NME7: variants seen among roughly 807,000 people sequenced by gnomAD.
NME7 encodes the protein NME/NM23 family member 7.
A neutral mutation model predicts 49.1 loss-of-function variants in NME7; 41 were observed. The observed-to-expected ratio is 0.83, with a 90% CI of 0.65 to 1.08. The LOEUF is 1.08. Among genes scored for constraint, NME7 ranks in the 50% least tolerant of loss-of-function variants. NME7 has a pLI of 0.00. For synonymous variants in NME7, 139 were observed against 150.6 expected (o/e 0.92, Z 0.56); for missense variants, 423 against 463.4 (o/e 0.91, Z 0.80).
intron 1 of NME7, among the ~76,000 whole-genome samples, chr1:169,344,486 T>A (rs1652888399): frequency 6.6e-6 from 1 of 152,206 alleles, no homozygotes; most frequent in Non-Finnish European, 1.5e-5. Flanking sequence ...CATTCACACT[T>A]GCCATTTAAA....
At chr1:169,329,866 T>C (rs1557824727) in intron 1 of NME7, among the ~76,000 whole-genome samples, 2 of 152,024 alleles carry the variant, frequency 1.3e-5, no homozygotes, top group Non-Finnish European at 2.9e-5. Flanking sequence ...ACAGATTTAA[T>C]CCAAAGAAGA....
chr1:169,253,887 C>T lies in NME7; in HGVS notation c.755-16200G>A, dbSNP rs12753059. On this transcript the variant is annotated intron_variant, in intron 7 of 11. Coordinates refer to ENST00000367811, the MANE Select transcript of NME7 (RefSeq NM_013330.5). ...CATTTATTGATTTGTGTATATTGAA[C>T]CAGCCTTGCATCCCAGGGATGAAGC... is the stretch of plus-strand genomic sequence containing the variant. 2.0e-5 allele frequency among the ~76,000 whole-genome samples: 3 copies of T among 149,776 alleles called. No homozygotes were observed. The East Asian group carries it at 6.4e-4, about 32-fold the overall frequency.
At chr1:169,246,080 A>C (rs541441986) in intron 7 of NME7, among the ~76,000 whole-genome samples, 16 of 152,282 alleles carry the variant, frequency 1.1e-4, no homozygotes, top group African/African-American at 3.8e-4. Context: ...AATCAATTGC[A>C]GACAAGAGTC....
intron 8 of NME7, 149 bp from the exon 9 acceptor site, chr1:169,235,348 T>C: frequency 2.0e-6 from 1 of 496,880 alleles, no homozygotes; most frequent in East Asian, 3.3e-5. Context: ...AAAAGTGTTA[T>C]TAAACATCAA....
Position 169,230,781 on chromosome 1 carries a change from T to G in NME7, c.927A>C (p.Ala309=). 1 of 1,607,502 alleles carries G rather than the reference T, an allele frequency of 6.2e-7. No homozygotes were observed. The highest frequency in any genetic ancestry group is 1.1e-5 in the South Asian group (1 of 89,730). ...VTEMYSGPCV[A]MEIQQNNATK... ...TAGCATTATTCTGTTGAATCTCCAT[T>G]GCTACACAAGGGCCAGAATACATTT... Residue 309 remains alanine (A), a synonymous_variant, in exon 10 of 12, where the codon GCA becomes GCC. Coordinates refer to ENST00000367811, the MANE Select transcript of NME7 (RefSeq NM_013330.5).
chr1:169,207,437 T>C (rs188879566), intron 10 of NME7, among the ~76,000 whole-genome samples: 152 of 152,120 alleles, frequency 1.0e-3, no homozygotes, highest in Middle Eastern at 3.4e-3. Flanking sequence ...CCAAAAGCCA[T>C]AGGGGTCTGT....
At chr1:169,213,449 A>G (rs1232721364) in intron 10 of NME7, among the ~76,000 whole-genome samples, 2 of 152,006 alleles carry the variant, frequency 1.3e-5, no homozygotes, top group Non-Finnish European at 2.9e-5. Flanking sequence ...GATTTTATCT[A>G]TTTTTTTAAA....
chr1:169,287,508 T>C, intron 6 of NME7, 100 bp from the exon 7 acceptor site: 1 of 849,012 alleles, frequency 1.2e-6, no homozygotes, highest in African/African-American at 1.7e-5. Flanking sequence ...ACTTTTAGAG[T>C]TTCATCATAT....
intron 7 of NME7, among the ~76,000 whole-genome samples, chr1:169,254,109 T>C (rs1383710350): frequency 6.7e-6 from 1 of 150,050 alleles, no homozygotes; most frequent in Non-Finnish European, 1.5e-5. Context: ...CCTCTTTTTC[T>C]ATTGATTGGA....
intron 11 of NME7, among the ~76,000 whole-genome samples, chr1:169,158,582 T>A (rs1319599152): frequency 6.6e-6 from 1 of 152,150 alleles, no homozygotes; most frequent in Non-Finnish European, 1.5e-5. Flanking sequence ...CAGAATCTTC[T>A]ATAATAGGGC....
intron 11 of NME7, among the ~76,000 whole-genome samples, chr1:169,140,734 AAAAAAAAAGATTTCAAAT>A (rs1658568305): frequency 1.3e-5 from 2 of 152,132 alleles, no homozygotes; most frequent in South Asian, 4.1e-4. Context: ...CTTAAAAAAA[AAAAAAAAAGATTTCAAAT>A]AAAAGAAATT....
rs570170121 is a variant in NME7 at position 169,298,646 on chromosome 1, T to A, written c.558A>T (p.Thr186=). 1.1e-5 allele frequency: 18 copies of A among 1,613,888 alleles called. No homozygotes were observed. The highest frequency in any genetic ancestry group is 1.4e-5 in the Non-Finnish European group (17 of 1,179,920). The part of the protein sequence containing the change: ...LGPANSGVAR[T]DASESIRALF... ...GGGCTCTAATGCTTTCAGAAGCATCTGTGCGTGCCACTCCAGAGTTTGCAG... is the reference window on the plus strand; with the variant it reads ...GGGCTCTAATGCTTTCAGAAGCATCAGTGCGTGCCACTCCAGAGTTTGCAG... Residue 186 remains threonine, a synonymous_variant, in exon 6 of 12, where the codon ACA becomes ACT. Transcript: ENST00000367811.
intron 3 of NME7, among the ~76,000 whole-genome samples, chr1:169,312,329 A>G (rs1651425840): frequency 6.6e-6 from 1 of 152,168 alleles, no homozygotes; most frequent in Non-Finnish European, 1.5e-5. Flanking sequence ...TTTTGCTGAC[A>G]TATCTTTGGC....
intron 10 of NME7, among the ~76,000 whole-genome samples, chr1:169,178,274 C>G (rs912093372): frequency 6.6e-6 from 1 of 152,160 alleles, no homozygotes; most frequent in Non-Finnish European, 1.5e-5. Context: ...AATCTAAAAA[C>G]TACATTCCCC....
chr1:169,229,562 G>A (rs1363696255), intron 10 of NME7, among the ~76,000 whole-genome samples: 1 of 152,156 alleles, frequency 6.6e-6, no homozygotes, highest in Admixed American at 6.5e-5. Flanking sequence ...TTAGATCACT[G>A]ACAACAGGAG....
At chr1:169,135,333 C>A (rs1349097309) in intron 11 of NME7, among the ~76,000 whole-genome samples, 4 of 152,182 alleles carry the variant, frequency 2.6e-5, no homozygotes, top group East Asian at 3.8e-4. Context: ...AACAAAAGTT[C>A]CGTTATGAGA....
At chr1:169,353,413 G>A (rs1017659953) in intron 1 of NME7, among the ~76,000 whole-genome samples, 1 of 151,978 alleles carries the variant, frequency 6.6e-6, no homozygotes, top group Non-Finnish European at 1.5e-5. Flanking sequence ...TTGGATTAAA[G>A]ACTTAAATTT....
rs1354288715 is a variant in NME7, at chr1:169,274,441, C to G, written c.754+12862G>C. 1.5e-5 allele frequency among the ~76,000 whole-genome samples: 2 copies of G among 133,124 alleles called. 1 individual carries two copies. Among genetic ancestry groups the G allele is most frequent in the Non-Finnish European group, 3.5e-5 (2 of 56,724 alleles). 87.3% of individuals were successfully genotyped at this position (133,124 alleles called of 152,430 possible). On this transcript the variant is annotated intron_variant, in intron 7 of 11. Coordinates refer to ENST00000367811, the MANE Select transcript of NME7 (RefSeq NM_013330.5). ...TGCCTGTTCACTCTGATGGTAGTTT[C>G]TTTTGCTGTGCAGAAGCTCTTTAGT...
intron 7 of NME7, among the ~76,000 whole-genome samples, chr1:169,280,386 T>A (rs1649957140): frequency 6.6e-6 from 1 of 152,124 alleles, no homozygotes; most frequent in Admixed American, 6.5e-5. Flanking sequence ...ATTGCAAAAA[T>A]TTTCTCCTAT....
Sources: gnomAD v4.1 joint callset for allele counts (sites outside exome capture counted in the v4.1 genomes callset) on GRCh38, gnomAD v4.1.1 for gene constraint, MANE v1.5 for transcripts, NCBI Gene and HGNC (gene_info 2026-07-23, HGNC 2026-07-21) for gene names.